HTRA4: variants seen among roughly 807,000 people sequenced by gnomAD.
HTRA4 encodes serine protease HTRA4.
Under a neutral mutation model 49.1 loss-of-function variants are expected in HTRA4, and 46 were observed. The observed-to-expected ratio is 0.94, with a 90% CI of 0.74 to 1.20. The LOEUF is 1.20. Ranked by LOEUF, HTRA4 falls within the 50% of genes most tolerant of loss-of-function variation. The pLI, the probability that HTRA4 is intolerant of heterozygous loss-of-function variation, is 0.00. For synonymous variants in HTRA4, 261 were observed against 264.0 expected (o/e 0.99, Z 0.11); for missense variants, 602 against 636.9 (o/e 0.95, Z 0.59).
At chr8:38,981,063 G>GTTTTTTTTTTTTTT (rs71216700) in intron 5 of HTRA4, among the ~76,000 whole-genome samples, 10 of 48,160 alleles carry the variant, frequency 2.1e-4, no homozygotes, top group Non-Finnish European at 2.6e-4. Flanking sequence ...ATGAGCTTAA[G>GTTTTTTTTTTTTTT]TTTTTTTTTT....
At chr8:38,979,390 C>G in intron 5 of HTRA4, 143 bp downstream of exon 5, 1 of 774,890 alleles carries the variant, frequency 1.3e-6, no homozygotes, top group East Asian at 2.4e-5. Flanking sequence ...TGAGACTAGC[C>G]TGGGCAAGAC....
intron 5 of HTRA4, among the ~76,000 whole-genome samples, chr8:38,979,670 G>A (rs1835395763): frequency 6.6e-6 from 1 of 151,934 alleles, no homozygotes; most frequent in South Asian, 2.1e-4. Flanking sequence ...CCAAAGCCCT[G>A]GATTTTATTT....
At chr8:38,976,404 G>GA (rs1432719210) in intron 2 of HTRA4, 131 bp from the exon 3 acceptor site, 1 of 891,338 alleles carries the variant, frequency 1.1e-6, no homozygotes, top group East Asian at 2.6e-5. Context: ...TCTCAAAAAA[G>GA]AAAAAAGAAA....
Position 38,974,591 on chromosome 8 carries a change from A to C in HTRA4, c.328A>C (p.Thr110Pro). The C allele has an allele frequency of 1.4e-6, 2 of 1,426,200 alleles. No individual in the cohort carries two copies. Among genetic ancestry groups the C allele is most frequent in the Non-Finnish European group, 9.1e-7 (1 of 1,095,836 alleles). 88.3% of individuals were successfully genotyped at this position (1,426,200 alleles called of 1,614,324 possible). A position where few individuals can be genotyped will look rare whatever the true frequency, so the allele number is the denominator to read the frequency against. ...PGFPSTCGCP[T>P]LGGAVCGSDR... is the part of the protein sequence containing the mutation. ...GTTCCCCAGCACCTGCGGTTGCCCG[A>C]CGCTGGGAGGGGCCGTGTGCGGCAG... Residue 110 changes from threonine (T) to proline (P), a missense_variant, in exon 1 of 9, where the codon ACG becomes CCG. Transcript: ENST00000302495.
intron 8 of HTRA4, among the ~76,000 whole-genome samples, chr8:38,984,009 T>C (rs1835455309): frequency 7.3e-6 from 1 of 137,406 alleles, no homozygotes; most frequent in African/African-American, 2.6e-5. Flanking sequence ...TTAATAGTTT[T>C]TTTTTCTTTT....
rs776797709 is a variant in HTRA4, at chr8:38,981,811, C to A, written c.1114+44C>A. On this transcript the variant is annotated intron_variant, in intron 6 of 8. Coordinates refer to ENST00000302495, the MANE Select transcript of HTRA4 (RefSeq NM_153692.4). Reference sequence around the variant, plus strand: ...TTTTTTTTTTTGGTTTCGTCTTGTGCTTTTCAGGAACACTCAATCTTTTGT... The same window carrying A: ...TTTTTTTTTTTGGTTTCGTCTTGTGATTTTCAGGAACACTCAATCTTTTGT... The A allele has an allele frequency of 3.7e-6, 5 of 1,337,482 alleles. No individual in the cohort carries two copies. The South Asian group carries it at 4.9e-5, about 13-fold the overall frequency. The allele number at this position is 1,337,482 out of a possible 1,614,324, so 82.9% of individuals were successfully genotyped here.
intron 8 of HTRA4, among the ~76,000 whole-genome samples, chr8:38,987,630 T>G (rs1488291696): frequency 1.3e-5 from 2 of 152,130 alleles, no homozygotes; most frequent in South Asian, 4.1e-4. Flanking sequence ...CAGGGGTTGA[T>G]AGAAATTAAA....
At chr8:38,984,331 G>A (rs577275894) in intron 8 of HTRA4, among the ~76,000 whole-genome samples, 2 of 151,612 alleles carry the variant, frequency 1.3e-5, no homozygotes, top group African/African-American at 2.4e-5. Context: ...CACATTTTTC[G>A]GCTGGGCATG....
intron 5 of HTRA4, among the ~76,000 whole-genome samples, chr8:38,981,265 G>A (rs997716625): frequency 6.6e-6 from 1 of 151,018 alleles, no homozygotes; most frequent in Non-Finnish European, 1.5e-5. Context: ...ATTTTTAGTA[G>A]AGATGGGGTT....
At chr8:38,986,006 A>C (rs926914336) in intron 8 of HTRA4, among the ~76,000 whole-genome samples, 9 of 152,164 alleles carry the variant, frequency 5.9e-5, no homozygotes, top group Admixed American at 2.6e-4. Context: ...CTAAAGACAA[A>C]TAAATAAAAT....
At chr8:38,985,804 CT>C (rs1370565853) in intron 8 of HTRA4, among the ~76,000 whole-genome samples, 1 of 152,218 alleles carries the variant, frequency 6.6e-6, no homozygotes. Context: ...CAGGTCCCAC[CT>C]TTGATCCACT....
Position 38,987,931 on chromosome 8 carries a change from C to A in HTRA4, c.1269-5C>A. ...ATGATCCTCTTTTTTTTCTCCCTCT[C>A]TCAGCTCTGGATTGAGAGATCACGA... is the stretch of plus-strand genomic sequence containing the variant. On this transcript the variant is annotated splice_polypyrimidine_tract_variant and splice_region_variant and intron_variant, in intron 8 of 8. Transcript: ENST00000302495. The A allele has an allele frequency of 6.5e-7, 1 of 1,546,088 alleles. No homozygotes were observed. Among genetic ancestry groups the A allele is most frequent in the South Asian group, 1.2e-5 (1 of 80,112 alleles).
At chr8:38,981,071 T>TGG (rs1488297088) in intron 5 of HTRA4, among the ~76,000 whole-genome samples, 1 of 94,968 alleles carries the variant, frequency 1.1e-5, no homozygotes, top group African/African-American at 6.4e-5. Flanking sequence ...AAGTTTTTTT[T>TGG]TTTTTTTTTT....
rs1168090296 is a variant in HTRA4, at chr8:38,975,227, A to C, written c.566+97A>C. The C allele has an allele frequency of 1.3e-5, 16 of 1,245,914 alleles. No individual in the cohort carries two copies. The Admixed American group carries it at 2.8e-4, about 22-fold the overall frequency. The allele number at this position is 1,245,914 out of a possible 1,614,324, so 77.2% of individuals were successfully genotyped here. A position where few individuals can be genotyped will look rare whatever the true frequency, so the allele number is the denominator to read the frequency against. ...TCGCAAGCGTCATTTAATCCTAAAA[A>C]ACCAGTGAGGAAACTGAGACGTAAA... On this transcript the variant is annotated intron_variant, in intron 2 of 8. Transcript: ENST00000302495.
chr8:38,975,248 G>T lies in HTRA4; in HGVS notation c.566+118G>T, dbSNP rs1412500428. 5 of 1,013,964 alleles carry T rather than the reference G, an allele frequency of 4.9e-6. No homozygotes were observed. The African/African-American group carries it at 6.4e-5, about 13-fold the overall frequency. 62.8% of individuals were successfully genotyped at this position (1,013,964 alleles called of 1,614,324 possible). A position where few individuals can be genotyped will look rare whatever the true frequency, so the allele number is the denominator to read the frequency against. ...AAAAAACCAGTGAGGAAACTGAGAC[G>T]TAAAGAGGTTGAATAACCTGTTCAA... On this transcript the variant is annotated intron_variant, in intron 2 of 8. Transcript: ENST00000302495.
Position 38,983,151 on chromosome 8 carries a change from C to G in HTRA4, c.1268+103C>G, listed in dbSNP as rs1835444777. 1.6e-5 allele frequency: 11 copies of G among 678,164 alleles called. No individual in the cohort carries two copies. In the East Asian group the frequency reaches 2.7e-4, roughly 17 times the overall value. The allele number at this position is 678,164 out of a possible 1,614,324, so 42.0% of individuals were successfully genotyped here. On this transcript the variant is annotated intron_variant, in intron 8 of 8. Transcript: ENST00000302495. ...AGACTTGATCTGTCCAATACAGTGG[C>G]CACTACTTACATGTAGTATGTACTG...
At position 38,974,270 on chromosome 8, in the gene HTRA4, A is replaced by C. The variant is rs1835309806; in HGVS notation, c.7A>C (p.Arg3=). MI[R]PQLRTAGLGR... Reference sequence around the variant, plus strand: ...GAAGCGAGGAAGGAACAGGATGATTAGACCTCAGCTGCGGACCGCGGGGCT... The same window carrying C: ...GAAGCGAGGAAGGAACAGGATGATTCGACCTCAGCTGCGGACCGCGGGGCT... The change falls in exon 1 of 9, where the codon AGA becomes CGA. Residue 3 remains arginine (R), a synonymous_variant. Coordinates refer to ENST00000302495, the MANE Select transcript of HTRA4 (RefSeq NM_153692.4). 6.2e-7 allele frequency: 1 copy of C among 1,612,190 alleles called. No individual in the cohort carries two copies. Among genetic ancestry groups the C allele is most frequent in the Non-Finnish European group, 8.5e-7 (1 of 1,179,458 alleles).
In HTRA4 at chr8:38,981,738, T is replaced by G. The variant is rs1250951703; in HGVS notation, c.1085T>G (p.Leu362Trp). The G allele has an allele frequency of 1.9e-6, 3 of 1,613,670 alleles. No homozygotes were observed. Among genetic ancestry groups the G allele is most frequent in the Middle Eastern group, 1.7e-4 (1 of 6,056 alleles). ...CCTTCAGATCGAGTTAGGCAGTTCT[T>G]GGCAGAATACCATGAGCACCAGATG... ...AIPSDRVRQF[L>W]AEYHEHQMKG... is the part of the protein sequence containing the mutation. The change falls in exon 6 of 9, where the codon TTG becomes TGG. Residue 362 changes from leucine (L) to tryptophan (W), a missense_variant. Coordinates refer to ENST00000302495, the MANE Select transcript of HTRA4 (RefSeq NM_153692.4).
chr8:38,979,801 G>A (rs1041976443), intron 5 of HTRA4, among the ~76,000 whole-genome samples: 2 of 152,044 alleles, frequency 1.3e-5, no homozygotes, highest in Admixed American at 1.3e-4. Context: ...ACAGGCATGA[G>A]CCACCATGCT....
Sources: gnomAD v4.1 joint callset for allele counts (sites outside exome capture counted in the v4.1 genomes callset) on GRCh38, gnomAD v4.1.1 for gene constraint, MANE v1.5 for transcripts, NCBI Gene and HGNC (gene_info 2026-07-23, HGNC 2026-07-21) for gene names.